Variants in EHD1 observed in about 807,000 individuals in gnomAD.
EHD1 encodes the protein EH domain-containing protein 1.
A neutral mutation model predicts 39.0 loss-of-function variants in EHD1; 19 were observed. The observed-to-expected ratio is 0.49, with a 90% confidence interval of 0.34 to 0.72. EHD1 has a LOEUF of 0.72. Among genes scored for constraint, EHD1 ranks in the 30% least tolerant of loss-of-function variants. EHD1 has a pLI of 0.01. For missense variants in EHD1, 542 were observed against 751.5 expected (o/e 0.72, Z 3.26); for synonymous variants, 323 against 331.2 (o/e 0.98, Z 0.27).
chr11:64,874,997 T>C (rs1388347503), intron 1 of EHD1, among the ~76,000 whole-genome samples: 1 of 152,172 alleles, frequency 6.6e-6, no homozygotes. Flanking sequence ...GGTGAGGGAA[T>C]TGAAATGGAC....
intron 3 of EHD1, among the ~76,000 whole-genome samples, chr11:64,858,490 A>G (rs1943678379): frequency 6.6e-6 from 1 of 152,074 alleles, no homozygotes; most frequent in Non-Finnish European, 1.5e-5. Context: ...GCCTGGCTGG[A>G]GCCTATTTCT....
In EHD1 at chr11:64,859,917, G is replaced by A. The variant is rs1378247151; in HGVS notation, c.915+7C>T. Reference sequence around the variant, plus strand: ...CAATAGGCTGCTCCCCTCACCCCAGGGTCTACCTTGGCCAGCCGTGCCCGC... The same window carrying A: ...CAATAGGCTGCTCCCCTCACCCCAGAGTCTACCTTGGCCAGCCGTGCCCGC... On this transcript the variant is annotated splice_region_variant and intron_variant, in intron 3 of 4. Transcript: ENST00000320631. The A allele has an allele frequency of 1.2e-6, 2 of 1,607,836 alleles. No homozygotes were observed. Among genetic ancestry groups the A allele is most frequent in the Non-Finnish European group, 1.7e-6 (2 of 1,176,236 alleles).
At chr11:64,858,897 G>T (rs1338102396) in intron 3 of EHD1, among the ~76,000 whole-genome samples, 2 of 152,214 alleles carry the variant, frequency 1.3e-5, no homozygotes, top group Non-Finnish European at 2.9e-5. Flanking sequence ...ACCTAAGGAT[G>T]GTCTGCAAGG....
intron 3 of EHD1, chr11:64,859,647 G>T: frequency 2.3e-6 from 1 of 443,934 alleles, no homozygotes. Context: ...CTGTTTCTGT[G>T]TTGTAAGCAC....
upstream of EHD1, chr11:64,878,659 G>A (rs943717005): frequency 1.5e-6 from 2 of 1,375,346 alleles, no homozygotes; most frequent in Middle Eastern, 2.7e-4. Context: ...TATAGGGTCG[G>A]TCCCTCAGTG....
At chr11:64,863,899 G>A (rs1471546800) in intron 2 of EHD1, among the ~76,000 whole-genome samples, 1 of 152,356 alleles carries the variant, frequency 6.6e-6, no homozygotes, top group Non-Finnish European at 1.5e-5. Context: ...TGGGAGCACT[G>A]GGCCTCCAGC....
chr11:64,878,749 C>G (rs1274046736), upstream of EHD1: 1 of 1,302,640 alleles, frequency 7.7e-7, no homozygotes, highest in Non-Finnish European at 9.7e-7. Flanking sequence ...GCCCCTCCGA[C>G]TGGTGCCACG....
rs377232695 is a variant in EHD1 at position 64,854,393 on chromosome 11, G to A, written c.1545C>T (p.His515=). ...GCGGGGGCAGGTCGGCGGGCAGCTC[G>A]TGGCCCTCCAGCTTGACCTTGATGA... ...NHLIKVKLEG[H]ELPADLPPHL... is the part of the protein sequence containing the mutation. Residue 515 remains histidine (H), a synonymous_variant, in exon 5 of 5, where the codon CAC becomes CAT. Coordinates refer to ENST00000320631, the MANE Select transcript of EHD1 (RefSeq NM_006795.4). 3.3e-5 allele frequency: 53 copies of A among 1,613,794 alleles called. 1 individual carries two copies. The highest frequency in any genetic ancestry group is 1.8e-4 in the Admixed American group (11 of 60,020).
At position 64,878,339 on chromosome 11, in the gene EHD1, G is replaced by C. The variant is rs1270521302; in HGVS notation, c.126C>G (p.Phe42Leu). The C allele has an allele frequency of 6.2e-7, 1 of 1,614,026 alleles. No individual in the cohort carries two copies. Among genetic ancestry groups the C allele is most frequent in the East Asian group, 2.2e-5 (1 of 44,900 alleles). Residue 42 changes from phenylalanine to leucine, a missense_variant, in exon 1 of 5, where the codon TTC (phenylalanine) becomes TTG (leucine). Phe to Leu is a conservative substitution (Grantham distance 22). Coordinates refer to ENST00000320631, the MANE Select transcript of EHD1 (RefSeq NM_006795.4). ...CCAGCGCGGGCGAGTGGAACTCGTG[G>C]AAGCGGTAGTGCTCCTCCAGGGGTA... ...KLLPLEEHYR[F>L]HEFHSPALED... is the part of the protein sequence containing the mutation.
chr11:64,867,446 C>G (rs529817484), intron 2 of EHD1, among the ~76,000 whole-genome samples: 2 of 151,294 alleles, frequency 1.3e-5, no homozygotes, highest in South Asian at 4.2e-4. Context: ...AGGCTAAGCG[C>G]GGCGGCTTAT....
chr11:64,879,552 C>T (rs866146230), upstream of EHD1: 6 of 1,547,108 alleles, frequency 3.9e-6, no homozygotes, highest in African/African-American at 1.4e-5. Flanking sequence ...TTCCACTTTC[C>T]TCTCGGGGTC....
At chr11:64,876,634 C>G (rs938168476) in intron 1 of EHD1, among the ~76,000 whole-genome samples, 1 of 152,192 alleles carries the variant, frequency 6.6e-6, no homozygotes, top group African/African-American at 2.4e-5. Context: ...TCAGCCAGAC[C>G]CTCTGAACCT....
Position 64,878,595 on chromosome 11 carries a change from A to G in EHD1, c.-131T>C. ...CCCACACTGCGCAGGCGCACAGCCC[A>G]GCCCGTCGAAGCGCCCTCTGCCGAA... is the stretch of plus-strand genomic sequence containing the variant. On this transcript the variant is annotated 5_prime_UTR_variant, in exon 1 of 5. Transcript: ENST00000320631. 1.4e-6 allele frequency: 2 copies of G among 1,427,340 alleles called. No homozygotes were observed. The highest frequency in any genetic ancestry group is 1.5e-5 in the African/African-American group (1 of 68,494). The allele number at this position is 1,427,340 out of a possible 1,614,324, so 88.4% of individuals were successfully genotyped here.
intron 2 of EHD1, among the ~76,000 whole-genome samples, chr11:64,870,539 T>G (rs1044318714): frequency 6.6e-6 from 1 of 152,232 alleles, no homozygotes; most frequent in African/African-American, 2.4e-5. Flanking sequence ...AGGTCTCTGA[T>G]CTGCTACTGC....
At chr11:64,857,351 G>A (rs1592744803) in intron 3 of EHD1, among the ~76,000 whole-genome samples, 11 of 152,166 alleles carry the variant, frequency 7.2e-5, no homozygotes. Context: ...TTGAGCCTGG[G>A]AAGCGGAGGT....
rs919678229 is a variant in EHD1 at position 64,878,500 on chromosome 11, G to C, written c.-36C>G. 2 of 1,560,742 alleles carry C rather than the reference G, an allele frequency of 1.3e-6. No individual in the cohort carries two copies. Among genetic ancestry groups the C allele is most frequent in the African/African-American group, 2.7e-5 (2 of 74,144 alleles). On this transcript the variant is annotated 5_prime_UTR_variant, in exon 1 of 5. Transcript: ENST00000320631. ...ACGGGGCTGGCTGCTGCGGGGCAGA[G>C]CGGCGGCTGAGAGCGGGGCGAGGGT... is the stretch of plus-strand genomic sequence containing the variant.
At position 64,855,362 on chromosome 11, in the gene EHD1, T is replaced by G; in HGVS notation, c.1040A>C (p.Gln347Pro). ...EIYQKIEREH[Q>P]ISPGDFPSLR... ...GCTCGGGAAGTCCCCAGGGGAGATC[T>G]GGTGCTCGCGCTCAATCTTCTGGTA... is the stretch of plus-strand genomic sequence containing the variant. Residue 347 changes from glutamine to proline, a missense_variant, in exon 4 of 5, where the codon CAG becomes CCG. Gln to Pro is a moderately conservative substitution (Grantham distance 76). Coordinates refer to ENST00000320631, the MANE Select transcript of EHD1 (RefSeq NM_006795.4). The G allele has an allele frequency of 6.2e-7, 1 of 1,614,166 alleles. No homozygotes were observed. Among genetic ancestry groups the G allele is most frequent in the Non-Finnish European group, 8.5e-7 (1 of 1,180,014 alleles).
rs147372880 is a variant in EHD1, at chr11:64,862,198, C to T, written c.503-1862G>A. On this transcript the variant is annotated intron_variant, in intron 2 of 4. Coordinates refer to ENST00000320631, the MANE Select transcript of EHD1 (RefSeq NM_006795.4). ...CTGGGGTGACAGGCCTGAGCCACCGCGCCTGGATTCTAAACTCTATTCTAT... is the reference window on the plus strand; with the variant it reads ...CTGGGGTGACAGGCCTGAGCCACCGTGCCTGGATTCTAAACTCTATTCTAT... Among the ~76,000 whole-genome samples, 327 of 152,342 alleles carry T rather than the reference C, an allele frequency of 2.1e-3. 4 individuals are homozygous for T. The highest frequency in any genetic ancestry group is 2.9e-3 in the Non-Finnish European group (195 of 68,034).
intron 3 of EHD1, among the ~76,000 whole-genome samples, chr11:64,859,189 G>T (rs1307404265): frequency 6.6e-6 from 1 of 152,164 alleles, no homozygotes; most frequent in Non-Finnish European, 1.5e-5. Flanking sequence ...CAGGGGCTGT[G>T]TGTCACTCCC....
Sources: allele counts gnomAD v4.1 joint callset (sites outside exome capture counted in the v4.1 genomes callset), GRCh38; gene constraint gnomAD v4.1.1; transcripts MANE v1.5; gene names NCBI Gene and HGNC (gene_info 2026-07-23, HGNC 2026-07-21).